VNN2: variants seen among roughly 807,000 people sequenced by gnomAD.
VNN2 encodes the protein vanin 2.
In VNN2, 43 loss-of-function variants were observed where a neutral mutation model predicts 43.0. That is an observed-to-expected ratio of 1.00 (90% CI 0.78 to 1.29). VNN2 has a LOEUF of 1.29. VNN2 is among the 50% of genes most tolerant of loss of function. VNN2 has a pLI of 0.00. For synonymous variants in VNN2, 230 were observed against 224.3 expected, an observed-to-expected ratio of 1.03 and a Z score of -0.23; for missense variants, 652 against 619.7, an observed-to-expected ratio of 1.05 and a Z score of -0.55.
rs1264709873 is a variant in VNN2 at position 132,752,863 on chromosome 6, C to T, written c.538-114G>A. On this transcript the variant is annotated intron_variant, in intron 3 of 6. Transcript: ENST00000326499. Reference sequence around the variant, plus strand: ...GCTATGGTCAACTGCAGGGAATCTCCTAGGAAGCGGATAAATCTGGCAATT... The same window carrying T: ...GCTATGGTCAACTGCAGGGAATCTCTTAGGAAGCGGATAAATCTGGCAATT... 8 of 1,174,440 alleles carry T rather than the reference C, an allele frequency of 6.8e-6. No homozygotes were observed. In the Admixed American group the frequency reaches 1.8e-4, roughly 26 times the overall value. 72.8% of individuals were successfully genotyped at this position (1,174,440 alleles called of 1,614,324 possible). A position where few individuals can be genotyped will look rare whatever the true frequency, so the allele number is the denominator to read the frequency against.
chr6:132,750,200 A>T (rs1278403329), intron 5 of VNN2, among the ~76,000 whole-genome samples: 2 of 152,154 alleles, frequency 1.3e-5, no homozygotes, highest in African/African-American at 4.8e-5. Flanking sequence ...CTGAAAGGAT[A>T]TTAAAATTTT....
chr6:132,755,420 GCT>G lies in VNN2; in HGVS notation c.537+421_537+422del, dbSNP rs1161492096. Among the ~76,000 whole-genome samples the G allele has an allele frequency of 6.2e-5, 9 of 145,096 alleles. No homozygotes were observed. In the South Asian group the frequency reaches 1.9e-3, roughly 31 times the overall value. On this transcript the variant is annotated intron_variant, in intron 3 of 6. Coordinates refer to ENST00000326499, the MANE Select transcript of VNN2 (RefSeq NM_004665.6). ...TTGAGAGTCTCCCTCTGTCACCCAG[GCT>G]GGAGTGCAGTGACACAATCTCGGCT...
chr6:132,749,643 T>C (rs1779928826), intron 6 of VNN2, 52 bp downstream of exon 6: 4 of 1,520,368 alleles, frequency 2.6e-6, no homozygotes, highest in South Asian at 2.5e-5. Context: ...CTTGTTTTAC[T>C]TGACTTCAGA....
chr6:132,751,331 C>A lies in VNN2; in HGVS notation c.1014G>T (p.Arg338Ser). ...TGAACCCATCCCTGGAAATAAATCC[C>A]CTGAAAGTGTTTTTCTGTACTGGAA... Reference protein sequence around the residue: ...KPFPVQKNTFRGFISRDGFNF... With the variant: ...KPFPVQKNTFSGFISRDGFNF... Residue 338 changes from arginine to serine, a missense_variant, in exon 5 of 7, where the codon AGG becomes AGT. Coordinates refer to ENST00000326499, the MANE Select transcript of VNN2 (RefSeq NM_004665.6). 6.2e-7 allele frequency: 1 copy of A among 1,614,094 alleles called. No individual in the cohort carries two copies.
upstream of VNN2, among the ~76,000 whole-genome samples, chr6:132,761,035 T>A (rs1780726363): frequency 6.6e-6 from 1 of 152,126 alleles, no homozygotes; most frequent in Admixed American, 6.6e-5. Flanking sequence ...TATAGGAAAA[T>A]CCCTGAGATG....
rs544259379 is a variant in VNN2, at chr6:132,752,499, A to G, written c.788T>C (p.Leu263Pro). 5.6e-6 allele frequency: 9 copies of G among 1,614,076 alleles called. No individual in the cohort carries two copies. In the East Asian group the frequency reaches 1.8e-4, roughly 32 times the overall value. ...AWAMGMGVNL[L>P]VANTHHVSLN... ...GCTGACATGATGTGTGTTGGCCACA[A>G]GAAGATTAACTCCCATTCCCATTGC... The change falls in exon 4 of 7, where the codon CTT (leucine) becomes CCT (proline). Residue 263 changes from leucine (L) to proline (P), a missense_variant. Transcript: ENST00000326499.
intron 6 of VNN2, among the ~76,000 whole-genome samples, chr6:132,745,901 A>T (rs1779688522): frequency 6.6e-6 from 1 of 152,256 alleles, no homozygotes; most frequent in Admixed American, 6.5e-5. Flanking sequence ...GAAGAAATTG[A>T]AAATTGGGAA....
At position 132,751,302 on chromosome 6, in the gene VNN2, A is replaced by T; in HGVS notation, c.1043T>A (p.Phe348Tyr). Residue 348 changes from phenylalanine (F) to tyrosine (Y), a missense_variant, in exon 5 of 7, where the codon TTC becomes TAC. Coordinates refer to ENST00000326499, the MANE Select transcript of VNN2 (RefSeq NM_004665.6). ...RGFISRDGFN[F>Y]TELFENAGNL... ...TCCTGCATTTTCAAAAAGTTCTGTG[A>T]AGTTGAACCCATCCCTGGAAATAAA... 2 of 1,614,130 alleles carry T rather than the reference A, an allele frequency of 1.2e-6. No homozygotes were observed. The highest frequency in any genetic ancestry group is 1.7e-6 in the Non-Finnish European group (2 of 1,180,018).
upstream of VNN2, among the ~76,000 whole-genome samples, chr6:132,760,317 G>T (rs1376530974): frequency 6.6e-6 from 1 of 152,100 alleles, no homozygotes; most frequent in East Asian, 1.9e-4. Flanking sequence ...TGGAACACCA[G>T]GTACGCACCA....
Position 132,744,470 on chromosome 6 carries a change from C to A in VNN2, c.1393G>T (p.Val465Leu). The change falls in exon 7 of 7, where the codon GTA becomes TTA. Residue 465 changes from valine to leucine, a missense_variant. Physicochemically the swap from Val to Leu is conservative, Grantham distance 32. Coordinates refer to ENST00000326499, the MANE Select transcript of VNN2 (RefSeq NM_004665.6). ...GGCCCAGATGATCCATTCTTGTTTA[C>A]CAAACGCCCATCTTTCAGCACCTAA... is the stretch of plus-strand genomic sequence containing the variant. The part of the protein sequence containing the change: ...KFEVLKDGRL[V>L]NKNGSSGPIL... The A allele has an allele frequency of 6.3e-7, 1 of 1,583,082 alleles. No individual in the cohort carries two copies. The highest frequency in any genetic ancestry group is 1.2e-5 in the South Asian group (1 of 85,016).
At chr6:132,756,102 G>A (rs1263064473) in intron 2 of VNN2, 67 bp from the exon 3 acceptor site, 13 of 1,385,324 alleles carry the variant, frequency 9.4e-6, no homozygotes, top group East Asian at 2.5e-5. Flanking sequence ...ATATGGAAAC[G>A]ATAGCAACTG....
At chr6:132,761,036 C>T (rs1292515598), upstream of VNN2, among the ~76,000 whole-genome samples, 3 of 151,910 alleles carry the variant, frequency 2.0e-5, no homozygotes, top group Admixed American at 1.3e-4. Context: ...ATAGGAAAAT[C>T]CCTGAGATGT....
rs1779590725 is a variant in VNN2 at position 132,744,307 on chromosome 6, A to G, written c.1556T>C (p.Met519Thr). The G allele has an allele frequency of 1.9e-6, 3 of 1,612,046 alleles. No homozygotes were observed. The highest frequency in any genetic ancestry group is 1.7e-5 in the Admixed American group (1 of 59,372). The change falls in exon 7 of 7, where the codon ATG (methionine) becomes ACG (threonine). Residue 519 changes from methionine (M) to threonine (T), a missense_variant. Met to Thr is a moderately conservative substitution (Grantham distance 81, BLOSUM62 -1). Transcript: ENST00000326499. ...GAGTGATAAAGAGACGCCCTATAAC[A>G]TTACAATATTTTGCAAAGCTATGAT... is the stretch of plus-strand genomic sequence containing the variant. ...LMIIALQNIV[M>T]L
At chr6:132,753,951 TAAAAAAAAA>T (rs61004061) in intron 3 of VNN2, 44,838 of 94,438 alleles carry the variant, frequency 0.47, 8,501 homozygotes, top group Middle Eastern at 0.58. Context: ...AGACTCTGCC[TAAAAAAAAA>T]AAAAAAAAAA....
At chr6:132,752,857 A>G in intron 3 of VNN2, 108 bp from the exon 4 acceptor site, 3 of 1,237,620 alleles carry the variant, frequency 2.4e-6, no homozygotes, top group Non-Finnish European at 3.4e-6. Context: ...AACTGCAGGG[A>G]ATCTCCTAGG....
chr6:132,744,581 G>A, intron 6 of VNN2, 90 bp from the exon 7 acceptor site: 1 of 1,269,666 alleles, frequency 7.9e-7, no homozygotes, highest in Non-Finnish European at 1.1e-6. Flanking sequence ...TAGATATAAT[G>A]TATAGTCAAA....
upstream of VNN2, among the ~76,000 whole-genome samples, chr6:132,759,309 G>A (rs1351536361): frequency 1.3e-5 from 2 of 151,512 alleles, no homozygotes; most frequent in African/African-American, 2.4e-5. Flanking sequence ...CGTGGTGGTG[G>A]GCGCCTGTAA....
chr6:132,758,753 G>A (rs1427171914), upstream of VNN2, among the ~76,000 whole-genome samples: 5 of 152,076 alleles, frequency 3.3e-5, no homozygotes, highest in Non-Finnish European at 1.5e-5. Flanking sequence ...CTTACTTATT[G>A]CTATTAAGGA....
upstream of VNN2, among the ~76,000 whole-genome samples, chr6:132,758,611 T>G (rs1010506046): frequency 8.5e-5 from 13 of 152,140 alleles, no homozygotes; most frequent in Non-Finnish European, 1.8e-4. Flanking sequence ...TGACAACAAT[T>G]TTTTTGGTTC....
Sources: gnomAD v4.1 joint callset for allele counts (sites outside exome capture counted in the v4.1 genomes callset) on GRCh38, gnomAD v4.1.1 for gene constraint, MANE v1.5 for transcripts, NCBI Gene and HGNC (gene_info 2026-07-23, HGNC 2026-07-21) for gene names.